Variants in LINGO2 observed in about 807,000 individuals in gnomAD.
LINGO2 encodes leucine-rich repeat and immunoglobulin-like domain-containing nogo receptor-interacting protein 2.
In LINGO2, 14 loss-of-function variants were observed where a neutral mutation model predicts 30.6. That is an observed-to-expected ratio of 0.46 (90% CI 0.30 to 0.72). The LOEUF (loss-of-function observed/expected upper bound fraction) is 0.72, where lower values mean the gene tolerates loss of function less well. Ranked by LOEUF, LINGO2 falls within the 30% of genes least tolerant of loss-of-function variation. LINGO2 has a pLI of 0.07. For missense variants in LINGO2, 729 were observed against 751.7 expected, an observed-to-expected ratio of 0.97 and a Z score of 0.35; for synonymous variants, 317 against 288.5, an observed-to-expected ratio of 1.10 and a Z score of -1.00.
the LINGO2 span, among the ~76,000 whole-genome samples, chr9:29,144,253 GTTCCATATACAT>G: frequency 6.6e-6 from 1 of 151,258 alleles, no homozygotes; most frequent in Non-Finnish European, 1.5e-5. Flanking sequence ...CTCCTTTTTG[GTTCCATATACAT>G]TTTAAAATAG....
At chr9:28,759,147 C>T in the LINGO2 span, among the ~76,000 whole-genome samples, 5 of 151,934 alleles carry the variant, frequency 3.3e-5, no homozygotes, top group Non-Finnish European at 5.9e-5. Flanking sequence ...AGCACATCAA[C>T]AAAATGTCAA....
At chr9:28,955,183 AGAGT>A in the LINGO2 span, among the ~76,000 whole-genome samples, 15 of 151,978 alleles carry the variant, frequency 9.9e-5, no homozygotes, top group East Asian at 1.6e-3. Flanking sequence ...ATAGAGAGAG[AGAGT>A]GTGTGAGAGA....
chr9:28,737,099 C>T, the LINGO2 span, among the ~76,000 whole-genome samples: 2 of 152,114 alleles, frequency 1.3e-5, no homozygotes, highest in African/African-American at 2.4e-5. Context: ...TGGGTTCAGG[C>T]ATTAAGAAGC....
At chr9:29,148,005 T>C in the LINGO2 span, among the ~76,000 whole-genome samples, 17 of 152,224 alleles carry the variant, frequency 1.1e-4, no homozygotes, top group Middle Eastern at 3.4e-3. Context: ...TTATTTAATC[T>C]GATGCTATAT....
the LINGO2 span, among the ~76,000 whole-genome samples, chr9:29,164,241 G>A: frequency 6.6e-6 from 1 of 152,088 alleles, no homozygotes; most frequent in African/African-American, 2.4e-5. Flanking sequence ...TACCGCAGCC[G>A]AGGTAAACCA....
chr9:28,903,187 G>T, the LINGO2 span, among the ~76,000 whole-genome samples: 1 of 151,278 alleles, frequency 6.6e-6, no homozygotes, highest in Non-Finnish European at 1.5e-5. Flanking sequence ...ATGAAAGAGA[G>T]ACATTATAAT....
chr9:28,100,484 C>A (rs1826381270), intron 4 of LINGO2, among the ~76,000 whole-genome samples: 1 of 152,090 alleles, frequency 6.6e-6, no homozygotes, highest in African/African-American at 2.4e-5. Flanking sequence ...GAGAAATGAA[C>A]ACATGCTGAT....
At chr9:28,638,979 A>G (rs1019721722) in intron 1 of LINGO2, among the ~76,000 whole-genome samples, 5 of 151,474 alleles carry the variant, frequency 3.3e-5, no homozygotes, top group African/African-American at 1.2e-4. Context: ...TTCCTTCTGC[A>G]CACTGCTTTA....
intron 4 of LINGO2, among the ~76,000 whole-genome samples, chr9:28,087,161 G>T (rs1184357167): frequency 1.3e-5 from 2 of 152,034 alleles, no homozygotes; most frequent in African/African-American, 2.4e-5. Context: ...TTAGCTCCTA[G>T]TCCACTTGCC....
the LINGO2 span, among the ~76,000 whole-genome samples, chr9:28,683,986 C>T: frequency 2.0e-5 from 3 of 151,968 alleles, no homozygotes; most frequent in Non-Finnish European, 4.4e-5. Context: ...CTTTTGGTTT[C>T]CTGCTTTTAT....
chr9:28,385,115 T>C (rs1424859839), intron 2 of LINGO2, among the ~76,000 whole-genome samples: 1 of 152,182 alleles, frequency 6.6e-6, no homozygotes, highest in Non-Finnish European at 1.5e-5. Flanking sequence ...TCTAAGTTCT[T>C]GGACGCTGAC....
chr9:29,107,429 G>A, the LINGO2 span, among the ~76,000 whole-genome samples: 2 of 152,034 alleles, frequency 1.3e-5, no homozygotes, highest in Admixed American at 6.6e-5. Flanking sequence ...TTGCAGTTAA[G>A]GCTTTGGAGT....
chr9:28,447,770 T>G lies in LINGO2; in HGVS notation c.-279+28170A>C, dbSNP rs139120296. Among the ~76,000 whole-genome samples the G allele has an allele frequency of 1.2e-3, 185 of 152,292 alleles. 2 individuals carry two copies. The highest frequency in any genetic ancestry group is 4.3e-3 in the African/African-American group (178 of 41,574). On this transcript the variant is annotated intron_variant, in intron 2 of 5. Coordinates refer to ENST00000379992, the Ensembl canonical transcript of LINGO2. ...ATGTTGTCAAACAATGCAAACAAGT[T>G]TATAACACAAAACTTTACATTACTT... is the stretch of plus-strand genomic sequence containing the variant.
At chr9:28,494,142 A>C (rs891162164) in intron 1 of LINGO2, among the ~76,000 whole-genome samples, 10 of 152,152 alleles carry the variant, frequency 6.6e-5, no homozygotes, top group African/African-American at 2.4e-4. Flanking sequence ...TTTGGTGCAA[A>C]AGAAATACCG....
downstream of LINGO2, among the ~76,000 whole-genome samples, chr9:27,945,672 G>C (rs1204356035): frequency 6.6e-6 from 1 of 152,108 alleles, no homozygotes; most frequent in Non-Finnish European, 1.5e-5. Flanking sequence ...GCTCTACCAT[G>C]GTCTAGTTGA....
the LINGO2 span, among the ~76,000 whole-genome samples, chr9:29,009,044 A>G: frequency 6.6e-6 from 1 of 152,196 alleles, no homozygotes; most frequent in Admixed American, 6.6e-5. Flanking sequence ...CAAAATAATA[A>G]GAGCTACTTA....
chr9:28,427,599 C>G (rs1157756255), intron 2 of LINGO2, among the ~76,000 whole-genome samples: 2 of 152,126 alleles, frequency 1.3e-5, no homozygotes, highest in Non-Finnish European at 2.9e-5. Context: ...TTGTCTCATT[C>G]TAAAATCTAG....
the LINGO2 span, among the ~76,000 whole-genome samples, chr9:28,853,901 C>T: frequency 6.6e-6 from 1 of 151,692 alleles, no homozygotes; most frequent in Non-Finnish European, 1.5e-5. Flanking sequence ...GTATCACCTA[C>T]CTATATGAAC....
chr9:29,108,783 T>C, the LINGO2 span, among the ~76,000 whole-genome samples: 1 of 152,140 alleles, frequency 6.6e-6, no homozygotes, highest in African/African-American at 2.4e-5. Flanking sequence ...GTTAATTTAC[T>C]GAAGTGGGCA....
Sources: gnomAD v4.1 joint callset for allele counts (sites outside exome capture counted in the v4.1 genomes callset) on GRCh38, gnomAD v4.1.1 for gene constraint, MANE v1.5 for transcripts, NCBI Gene and HGNC (gene_info 2026-07-23, HGNC 2026-07-21) for gene names.